The following NEK10 variants were observed in gnomAD, a reference collection of about 807,000 sequenced individuals.
The protein encoded by NEK10 is serine/threonine-protein kinase Nek10.
A neutral mutation model predicts 159.8 loss-of-function variants in NEK10; 122 were observed. That is an observed-to-expected ratio of 0.76 (90% CI 0.66 to 0.89). The LOEUF (loss-of-function observed/expected upper bound fraction) is 0.89. NEK10 is among the 40% of genes least tolerant of loss of function. The probability of loss-of-function intolerance (pLI) is 0.00; values close to 1 mark genes in which losing one functional copy is unlikely to be tolerated. For synonymous variants in NEK10, 466 were observed against 457.1 expected, an observed-to-expected ratio of 1.02 and a Z score of -0.25; for missense variants, 1,342 against 1,323.1, an observed-to-expected ratio of 1.01 and a Z score of -0.22.
chr3:27,169,439 A>G (rs1279796078), intron 29 of NEK10, among the ~76,000 whole-genome samples: 1 of 152,152 alleles, frequency 6.6e-6, no homozygotes, highest in African/African-American at 2.4e-5. Context: ...AAAGAACGTC[A>G]TGAGGTCTTA....
chr3:27,202,979 C>T (rs979931369), intron 23 of NEK10, among the ~76,000 whole-genome samples: 3 of 152,150 alleles, frequency 2.0e-5, no homozygotes, highest in Non-Finnish European at 2.9e-5. Context: ...CCTTTGACCA[C>T]CAATGGAATG....
At chr3:27,287,550 A>T in intron 20 of NEK10, 148 bp downstream of exon 20, 1 of 723,386 alleles carries the variant, frequency 1.4e-6, no homozygotes, top group Non-Finnish European at 2.1e-6. Context: ...CTAGTCAAGA[A>T]AGTGATGCTT....
At chr3:27,207,872 G>A (rs1950654973) in intron 23 of NEK10, among the ~76,000 whole-genome samples, 1 of 152,160 alleles carries the variant, frequency 6.6e-6, no homozygotes, top group Non-Finnish European at 1.5e-5. Context: ...CTAAACTCAT[G>A]AGGATAAAAT....
rs115875037 is a variant in NEK10, at chr3:27,131,281, T to C, written c.3081+599A>G. Reference sequence around the variant, plus strand: ...CCACTTCCAGGGCTGTATCGAAAGGTCTACCAACCAGGACAAAGGGATTTT... The same window carrying C: ...CCACTTCCAGGGCTGTATCGAAAGGCCTACCAACCAGGACAAAGGGATTTT... On this transcript the variant is annotated intron_variant, in intron 32 of 35. Transcript: ENST00000691995. Among the ~76,000 whole-genome samples, 582 of 152,250 alleles carry C rather than the reference T, an allele frequency of 3.8e-3. 4 individuals are homozygous for C. Among genetic ancestry groups the C allele is most frequent in the African/African-American group, 0.013 (555 of 41,540 alleles).
At chr3:27,272,408 T>A (rs1232083361) in intron 22 of NEK10, among the ~76,000 whole-genome samples, 1 of 152,232 alleles carries the variant, frequency 6.6e-6, no homozygotes, top group Non-Finnish European at 1.5e-5. Flanking sequence ...AGCTCTTGTA[T>A]CTGCATCTTT....
intron 23 of NEK10, among the ~76,000 whole-genome samples, chr3:27,227,260 G>A (rs764174608): frequency 2.0e-5 from 3 of 152,162 alleles, no homozygotes; most frequent in Non-Finnish European, 4.4e-5. Context: ...GACAGGAGGA[G>A]GGGTGGCCTT....
intron 5 of NEK10, among the ~76,000 whole-genome samples, chr3:27,326,420 G>A (rs1419122138): frequency 1.3e-5 from 2 of 152,206 alleles, no homozygotes; most frequent in East Asian, 3.9e-4. Flanking sequence ...CATTTTAAGA[G>A]ATGATTCACG....
Position 27,296,342 on chromosome 3 carries a change from C to A in NEK10, c.1231-652G>T, listed in dbSNP as rs191514369. Among the ~76,000 whole-genome samples, 33 of 152,092 alleles carry A rather than the reference C, an allele frequency of 2.2e-4. No individual in the cohort carries two copies. The East Asian group carries it at 4.8e-3, about 22-fold the overall frequency. On this transcript the variant is annotated intron_variant, in intron 14 of 35. Coordinates refer to ENST00000691995, the MANE Select transcript of NEK10 (RefSeq NM_001394966.1). ...TTCCTTGTTTTATACATGAGAAAAC[C>A]AATACTTAGAGTGGATACATTATTT...
At chr3:27,256,643 C>G (rs747564230) in intron 22 of NEK10, among the ~76,000 whole-genome samples, 2 of 152,046 alleles carry the variant, frequency 1.3e-5, no homozygotes, top group Non-Finnish European at 2.9e-5. Flanking sequence ...CAGAATGAAT[C>G]TAACATTTGG....
At chr3:27,353,175 G>C (rs145901309) in intron 1 of NEK10, among the ~76,000 whole-genome samples, 1 of 152,054 alleles carries the variant, frequency 6.6e-6, no homozygotes, top group African/African-American at 2.4e-5. Context: ...AGAACAATTG[G>C]TTTGCTTTTA....
rs549655499 is a variant in NEK10 at position 27,167,851 on chromosome 3, C to G, written c.2831+3968G>C. 1.3e-4 allele frequency among the ~76,000 whole-genome samples: 20 copies of G among 152,310 alleles called. No individual in the cohort carries two copies. In the East Asian group the frequency reaches 2.7e-3, roughly 21 times the overall value. On this transcript the variant is annotated intron_variant, in intron 29 of 35. Transcript: ENST00000691995. The stretch of plus-strand genomic sequence containing the variant: ...TTCCAGTTCTAATATTATTCTCCAG[C>G]CTTGAGACTTCAAAACTTTTCTGAG...
At chr3:27,254,339 C>T (rs549350913) in intron 23 of NEK10, among the ~76,000 whole-genome samples, 13 of 152,218 alleles carry the variant, frequency 8.5e-5, no homozygotes, top group African/African-American at 3.1e-4. Context: ...ACTCTATGAA[C>T]CTAATTATTA....
At chr3:27,311,863 A>C in intron 8 of NEK10, 1 of 441,286 alleles carries the variant, frequency 2.3e-6, no homozygotes, top group Non-Finnish European at 4.0e-6. Context: ...GCTTTTATGG[A>C]AGCCTCTCTT....
At position 27,131,179 on chromosome 3, in the gene NEK10, A is replaced by G. The variant is rs369904651; in HGVS notation, c.3081+701T>C. Reference sequence around the variant, plus strand: ...GATGAAACTTTTTAAAAAATATGAAATTGGAGTGCTACCAATTGTCTTTAC... The same window carrying G: ...GATGAAACTTTTTAAAAAATATGAAGTTGGAGTGCTACCAATTGTCTTTAC... On this transcript the variant is annotated intron_variant, in intron 32 of 35. Transcript: ENST00000691995. 8.5e-5 allele frequency among the ~76,000 whole-genome samples: 13 copies of G among 152,314 alleles called. No homozygotes were observed. The South Asian group carries it at 1.7e-3, about 19-fold the overall frequency.
At position 27,107,553 on chromosome 3, in the gene NEK10, T is replaced by C. The variant is rs1939119617; in HGVS notation, c.*3719A>G. 1.3e-5 allele frequency among the ~76,000 whole-genome samples: 2 copies of C among 152,232 alleles called. No homozygotes were observed. The highest frequency in any genetic ancestry group is 2.9e-5 in the Non-Finnish European group (2 of 68,034). ...TTTAATCTCAAAGATATCATGTAAG[T>C]ATATATGAAATTCATTTATTACATT... On this transcript the variant is annotated 3_prime_UTR_variant, in exon 36 of 36. Coordinates refer to ENST00000691995, the MANE Select transcript of NEK10 (RefSeq NM_001394966.1).
chr3:27,182,913 C>T (rs548159162), intron 26 of NEK10, among the ~76,000 whole-genome samples: 2 of 151,732 alleles, frequency 1.3e-5, no homozygotes, highest in African/African-American at 4.8e-5. Context: ...ATAATGGTTA[C>T]CAGAGGCTGG....
chr3:27,312,048 C>T (rs1264403109), intron 8 of NEK10, 51 bp downstream of exon 8: 1 of 1,186,704 alleles, frequency 8.4e-7, no homozygotes, highest in Non-Finnish European at 1.3e-6. Context: ...CACCATACTG[C>T]TTTTTCTAGC....
chr3:27,182,878 C>T (rs1029197721), intron 26 of NEK10, among the ~76,000 whole-genome samples: 3 of 151,608 alleles, frequency 2.0e-5, no homozygotes, highest in Admixed American at 6.6e-5. Flanking sequence ...TAAAAAGTAT[C>T]GAATTCATGG....
At chr3:27,140,898 T>C (rs779293526) in intron 31 of NEK10, among the ~76,000 whole-genome samples, 14 of 152,056 alleles carry the variant, frequency 9.2e-5, no homozygotes, top group Non-Finnish European at 1.8e-4. Flanking sequence ...TCTGCACTTC[T>C]TTGTCTAAAA....
Sources: allele counts gnomAD v4.1 joint callset (sites outside exome capture counted in the v4.1 genomes callset), GRCh38; gene constraint gnomAD v4.1.1; transcripts MANE v1.5; gene names NCBI Gene and HGNC (gene_info 2026-07-23, HGNC 2026-07-21).